The following OASL variants were observed in gnomAD, a reference collection of about 807,000 sequenced individuals.
OASL encodes 2'-5'-oligoadenylate synthase-like protein.
OASL carries 28 observed loss-of-function variants against 35.3 expected under a neutral mutation model. The observed-to-expected ratio is 0.79, with a 90% CI of 0.59 to 1.09. The LOEUF (loss-of-function observed/expected upper bound fraction) is 1.09. Ranked by LOEUF, OASL falls within the 50% of genes least tolerant of loss-of-function variation. The probability of loss-of-function intolerance (pLI) is 0.00; values close to 1 mark genes in which losing one functional copy is unlikely to be tolerated. For synonymous variants in OASL, 252 were observed against 254.6 expected, an observed-to-expected ratio of 0.99 and a Z score of 0.10; for missense variants, 620 against 635.2, an observed-to-expected ratio of 0.98 and a Z score of 0.26.
intron 4 of OASL, among the ~76,000 whole-genome samples, chr12:121,024,764 CAAGTTT>C (rs1869411803): frequency 6.6e-6 from 1 of 152,076 alleles, no homozygotes; most frequent in Non-Finnish European, 1.5e-5. Flanking sequence ...GCAGGTTTTG[CAAGTTT>C]AAGTTTAAGG....
intron 1 of OASL, among the ~76,000 whole-genome samples, chr12:121,036,899 T>A (rs1869977692): frequency 6.6e-6 from 1 of 152,062 alleles, no homozygotes; most frequent in Non-Finnish European, 1.5e-5. Flanking sequence ...GAGGGAGAGA[T>A]GATGATGATG....
chr12:121,038,792 C>T, exon 1 of OASL: 2 of 1,614,080 alleles, frequency 1.2e-6, no homozygotes, highest in South Asian at 1.1e-5. Flanking sequence ...CCTTCAGCAC[C>T]CGCACATCCT....
At chr12:121,021,338 C>A (rs1869227982) in intron 5 of OASL, among the ~76,000 whole-genome samples, 1 of 152,126 alleles carries the variant, frequency 6.6e-6, no homozygotes, top group African/African-American at 2.4e-5. Context: ...TACTGAACAC[C>A]AATCACATAG....
exon 2 of OASL, chr12:121,033,598 C>A: frequency 6.2e-7 from 1 of 1,614,190 alleles, no homozygotes; most frequent in South Asian, 1.1e-5. Context: ...CAGGTCCTGG[C>A]TTTGCCACAT....
chr12:121,018,784 C>T (rs1025515589), downstream of OASL, among the ~76,000 whole-genome samples: 1 of 148,428 alleles, frequency 6.7e-6, no homozygotes, highest in Non-Finnish European at 1.5e-5. Flanking sequence ...GCAGGAGAAT[C>T]GCTTGAACCT....
At chr12:121,037,538 G>T (rs1263922950) in intron 1 of OASL, among the ~76,000 whole-genome samples, 2 of 152,078 alleles carry the variant, frequency 1.3e-5, no homozygotes, top group East Asian at 3.9e-4. Flanking sequence ...ACTTTGGGAG[G>T]CCGAGGAGGG....
At chr12:121,027,528 T>C in intron 4 of OASL, 48 bp downstream of exon 4, 1 of 1,608,326 alleles carries the variant, frequency 6.2e-7, no homozygotes, top group South Asian at 1.1e-5. Context: ...CACTAGCCCG[T>C]CTCTCTTTTT....
chr12:121,031,304 CAA>C, intron 3 of OASL, 136 bp downstream of exon 3: 1 of 772,690 alleles, frequency 1.3e-6, no homozygotes, highest in South Asian at 1.8e-5. Context: ...CTTTACATTT[CAA>C]AAGACTAGCA....
intron 4 of OASL, among the ~76,000 whole-genome samples, chr12:121,025,184 G>T (rs368151356): frequency 6.6e-6 from 1 of 151,706 alleles, no homozygotes; most frequent in Non-Finnish European, 1.5e-5. Context: ...CACCATCTTG[G>T]CCAGGCTGGT....
chr12:121,038,831 C>A lies in OASL; in HGVS notation c.141G>T (p.Glu47Asp), dbSNP rs1423740469. The change falls in exon 1 of 6, where the codon GAG becomes GAT. Residue 47 changes from glutamate (E) to aspartate (D), a missense_variant. By Grantham distance (45) the Glu-to-Asp change is conservative (BLOSUM62 2). Transcript: ENST00000257570. ...CCAGCCCACGCTTCCCCTGGAAATG[C>A]TCCTGCCTCAGAAACTCCTCCACGG... The A allele has an allele frequency of 2.5e-6, 4 of 1,614,154 alleles. No individual in the cohort carries two copies. The East Asian group carries it at 8.9e-5, about 36-fold the overall frequency.
At chr12:121,027,723 T>C (rs370373723) in exon 4 of OASL, 2 of 1,614,044 alleles carry the variant, frequency 1.2e-6, no homozygotes, top group African/African-American at 1.3e-5. Context: ...GAAATTCTCG[T>C]CTTCTTCAGT....
rs769685423 is a variant in OASL, at chr12:121,033,455, C to T, written c.481+6G>A. On this transcript the variant is annotated splice_donor_region_variant and intron_variant, in intron 2 of 5. Coordinates refer to ENST00000257570, the Ensembl canonical transcript of OASL. ...TGTGAGTCGGGTGAGCTTCCCCTCC[C>T]CTTACCCAGGGCTCTGTAGGCAGGC... 1.3e-5 allele frequency: 21 copies of T among 1,603,972 alleles called. No individual in the cohort carries two copies. The highest frequency in any genetic ancestry group is 2.2e-5 in the East Asian group (1 of 44,572).
At chr12:121,034,130 T>G (rs1320410799) in intron 1 of OASL, among the ~76,000 whole-genome samples, 1 of 151,832 alleles carries the variant, frequency 6.6e-6, no homozygotes, top group Non-Finnish European at 1.5e-5. Flanking sequence ...CAGCAACACA[T>G]TTGTCTTTCT....
chr12:121,036,860 T>C (rs1869976893), intron 1 of OASL, among the ~76,000 whole-genome samples: 1 of 152,138 alleles, frequency 6.6e-6, no homozygotes, highest in Non-Finnish European at 1.5e-5. Context: ...GCATGAATCA[T>C]TCAGCCTGCA....
intron 2 of OASL, 77 bp from the exon 3 acceptor site, chr12:121,031,694 C>T (rs1869741751): frequency 1.6e-6 from 2 of 1,288,128 alleles, no homozygotes; most frequent in Non-Finnish European, 2.2e-6. Flanking sequence ...TTGGGGAGAG[C>T]CTGCCTTTAC....
exon 6 of OASL, chr12:121,020,979 A>G (rs1869210789): frequency 1.2e-6 from 2 of 1,613,716 alleles, no homozygotes; most frequent in Admixed American, 1.7e-5. Flanking sequence ...AACCTTCCTT[A>G]TGGGCTCATA....
chr12:121,025,717 G>A (rs182102748), intron 4 of OASL, among the ~76,000 whole-genome samples: 48 of 151,142 alleles, frequency 3.2e-4, no homozygotes, highest in Admixed American at 2.6e-3. Context: ...AGCCAAGATC[G>A]TGCCACTGAA....
At chr12:121,022,085 C>CTTTTT (rs66924657) in intron 5 of OASL, among the ~76,000 whole-genome samples, 6 of 108,062 alleles carry the variant, frequency 5.6e-5, no homozygotes, top group Admixed American at 2.3e-4. Flanking sequence ...AAGTTTTGTT[C>CTTTTT]TTTTTTTTTT....
At chr12:121,019,553 A>G (rs1869151304) in exon 6 of OASL, 1 of 151,938 alleles carries the variant, frequency 6.6e-6, no homozygotes, top group Non-Finnish European at 1.5e-5. Context: ...ATCATCCTCA[A>G]TCTCCCATTC....
Sources: allele counts gnomAD v4.1 joint callset (sites outside exome capture counted in the v4.1 genomes callset), GRCh38; gene constraint gnomAD v4.1.1; transcripts MANE v1.5; gene names NCBI Gene and HGNC (gene_info 2026-07-23, HGNC 2026-07-21).